Variants in DMXL1 observed in about 807,000 individuals in gnomAD.
DMXL1 encodes the protein dmX-like protein 1.
DMXL1 carries 99 observed loss-of-function variants against 319.2 expected under a neutral mutation model. The observed-to-expected ratio is 0.31, with a 90% CI of 0.26 to 0.37. DMXL1 has a LOEUF of 0.37. DMXL1 is among the 10% of genes least tolerant of loss of function. The pLI, the probability that DMXL1 is intolerant of heterozygous loss-of-function variation, is 1.00. For missense variants in DMXL1, 3,745 were observed against 3,595.6 expected (o/e 1.04, Z -1.06); for synonymous variants, 1,385 against 1,235.2 (o/e 1.12, Z -2.54).
rs139532607 is a variant in DMXL1, at chr5:119,233,422, C to A, written c.8421C>A (p.Gly2807=). The change falls in exon 39 of 44, where the codon GGC becomes GGA. Residue 2807 remains glycine (G), a synonymous_variant. Transcript: ENST00000539542. ...AAATAACCTGTTTTCGATCTGGTGG[C>A]AATTCAAGAGTTACAAGAATGAGAT... is the stretch of plus-strand genomic sequence containing the variant. The part of the protein sequence containing the change: ...SQQITCFRSG[G]NSRVTRMRFN... 2.6e-5 allele frequency: 42 copies of A among 1,611,668 alleles called. No individual in the cohort carries two copies. In the African/African-American group the frequency reaches 5.2e-4, roughly 20 times the overall value.
intron 1 of DMXL1, among the ~76,000 whole-genome samples, chr5:119,080,811 C>A (rs1049450895): frequency 1.3e-5 from 2 of 152,148 alleles, no homozygotes; most frequent in Non-Finnish European, 2.9e-5. Flanking sequence ...GTAATAGCTG[C>A]CTCCCTAAAC....
Position 119,149,529 on chromosome 5 carries a change from A to C in DMXL1, c.3702A>C (p.Glu1234Asp), listed in dbSNP as rs754415559. 13 of 1,613,934 alleles carry C rather than the reference A, an allele frequency of 8.1e-6. No individual in the cohort carries two copies. The Middle Eastern group carries it at 1.3e-3, about 164-fold the overall frequency. Residue 1234 changes from glutamate to aspartate, a missense_variant, in exon 18 of 44, where the codon GAA becomes GAC. Transcript: ENST00000539542. ...TCCTTGTGGTAGGAATGGACTGTGA[A>C]ATGCATGTGTATTGCCAATGGCAAC... is the stretch of plus-strand genomic sequence containing the variant. ...DGILVVGMDC[E>D]MHVYCQWQPS...
At chr5:119,097,915 T>G in intron 1 of DMXL1, 64 bp from the exon 2 acceptor site, 1 of 1,325,608 alleles carries the variant, frequency 7.5e-7, no homozygotes, top group African/African-American at 1.5e-5. Context: ...TAGTTAATAC[T>G]AGTATTCTAC....
At chr5:119,091,138 T>C (rs1460226550) in intron 1 of DMXL1, among the ~76,000 whole-genome samples, 3 of 152,150 alleles carry the variant, frequency 2.0e-5, no homozygotes, top group South Asian at 2.1e-4. Flanking sequence ...AGCTCACATA[T>C]CGCCTACTGG....
In DMXL1 at chr5:119,171,921, C is replaced by T. The variant is rs1352511302; in HGVS notation, c.6633C>T (p.Ala2211=). The T allele has an allele frequency of 6.2e-7, 1 of 1,613,696 alleles. No homozygotes were observed. The highest frequency in any genetic ancestry group is 8.5e-7 in the Non-Finnish European group (1 of 1,179,800). The change falls in exon 25 of 44, where the codon GCC becomes GCT. Residue 2211 remains alanine (A), a synonymous_variant. Transcript: ENST00000539542. ...LSNLTHDILH[A]IINFDSPPHP... ...ATCTGACACATGATATTCTCCATGC[C>T]ATAATAAACTTTGATTCACCACCCC... is the stretch of plus-strand genomic sequence containing the variant.
chr5:119,161,880 G>A (rs900573049), intron 19 of DMXL1, among the ~76,000 whole-genome samples: 2 of 152,148 alleles, frequency 1.3e-5, no homozygotes, highest in Admixed American at 1.3e-4. Flanking sequence ...ACCTCTAATT[G>A]GATGCTACCA....
rs141791904 is a variant in DMXL1 at position 119,228,036 on chromosome 5, A to C, written c.8338+3267A>C. On this transcript the variant is annotated intron_variant, in intron 38 of 43. Coordinates refer to ENST00000539542, the MANE Select transcript of DMXL1 (RefSeq NM_001290321.3). ...CTGGAAAACAAAATAAAGACCTAGC[A>C]ATGTTTCAAAACCATAATTATTAAA... 5.3e-5 allele frequency among the ~76,000 whole-genome samples: 8 copies of C among 152,336 alleles called. No individual in the cohort carries two copies. In the East Asian group the frequency reaches 1.5e-3, roughly 29 times the overall value.
rs753392077 is a variant in DMXL1 at position 119,133,939 on chromosome 5, C to T, written c.2015C>T (p.Pro672Leu). ...RTPDVDNPEQ[P>L]FDALNIEECS... Reference sequence around the variant, plus strand: ...CCAGATGTTGATAACCCAGAGCAACCTTTTGATGCTCTAAATATTGAAGAA... The same window carrying T: ...CCAGATGTTGATAACCCAGAGCAACTTTTTGATGCTCTAAATATTGAAGAA... Residue 672 changes from proline (P) to leucine (L), a missense_variant, in exon 12 of 44, where the codon CCT becomes CTT. Physicochemically the swap from Pro to Leu is moderately conservative, Grantham distance 98. Coordinates refer to ENST00000539542, the MANE Select transcript of DMXL1 (RefSeq NM_001290321.3). The T allele has an allele frequency of 1.9e-6, 3 of 1,613,990 alleles. No individual in the cohort carries two copies. Among genetic ancestry groups the T allele is most frequent in the East Asian group, 2.2e-5 (1 of 44,898 alleles).
rs7731074 is a variant in DMXL1, at chr5:119,163,900, C to G, written c.4703-607C>G. On this transcript the variant is annotated intron_variant, in intron 19 of 43. Coordinates refer to ENST00000539542, the MANE Select transcript of DMXL1 (RefSeq NM_001290321.3). ...TAATTGTACGTTTTTTGAGTAGAGA[C>G]AGGGTTTCACCATGTTGGCCAGACT... Among the ~76,000 whole-genome samples the G allele has an allele frequency of 4.8e-4, 73 of 152,060 alleles. 1 individual carries two copies. The highest frequency in any genetic ancestry group is 4.1e-3 in the Admixed American group (62 of 15,264).
chr5:119,075,988 C>CA (rs1750761468), intron 1 of DMXL1, among the ~76,000 whole-genome samples: 1 of 151,624 alleles, frequency 6.6e-6, no homozygotes, highest in Non-Finnish European at 1.5e-5. Flanking sequence ...TGATATGATA[C>CA]TTTTTTTTTC....
At chr5:119,139,789 G>A (rs1766879493) in intron 13 of DMXL1, among the ~76,000 whole-genome samples, 1 of 152,128 alleles carries the variant, frequency 6.6e-6, no homozygotes, top group South Asian at 2.1e-4. Flanking sequence ...ACAGACTGCT[G>A]CAGAACTCTC....
At chr5:119,166,884 C>A in intron 22 of DMXL1, 103 bp downstream of exon 22, 1 of 891,728 alleles carries the variant, frequency 1.1e-6, no homozygotes, top group Non-Finnish European at 1.6e-6. Context: ...TTGGAAATAA[C>A]ACAAGGCCAA....
rs750990275 is a variant in DMXL1, at chr5:119,197,917, G to T, written c.7706G>T (p.Arg2569Leu). 6.2e-7 allele frequency: 1 copy of T among 1,614,124 alleles called. No homozygotes were observed. The highest frequency in any genetic ancestry group is 1.1e-5 in the South Asian group (1 of 91,084). Residue 2569 changes from arginine (R) to leucine (L), a missense_variant, in exon 32 of 44, where the codon CGC (arginine) becomes CTC (leucine). Around this residue, in one of 4 missense-constraint regions of DMXL1, gnomAD observed 1,382 missense variants for 1,269.5 expected, o/e 1.09. Transcript: ENST00000539542. ...ESLSAGPAIL[R>L]HKALLEPTNT... ...TTGTCTGCAGGTCCTGCAATTCTTC[G>T]CCACAAAGCTTTACTGGAACCTACA...
At chr5:119,132,602 G>C (rs894910614) in intron 10 of DMXL1, 3 of 307,034 alleles carry the variant, frequency 9.8e-6, no homozygotes, top group Admixed American at 4.0e-5. Context: ...GCTTGGACCC[G>C]GGCAGCAGAG....
chr5:119,072,453 A>G (rs984671655), intron 1 of DMXL1, among the ~76,000 whole-genome samples: 1 of 152,102 alleles, frequency 6.6e-6, no homozygotes, highest in South Asian at 2.1e-4. Flanking sequence ...TTTTTGCTAC[A>G]ATTTGTGTAG....
chr5:119,231,945 C>T (rs957480042), intron 38 of DMXL1, among the ~76,000 whole-genome samples: 1 of 152,042 alleles, frequency 6.6e-6, no homozygotes, highest in South Asian at 2.1e-4. Context: ...CTGTCTTAGC[C>T]TAATAGCCTC....
intron 9 of DMXL1, among the ~76,000 whole-genome samples, chr5:119,123,643 A>G (rs896730705): frequency 6.6e-6 from 1 of 151,798 alleles, no homozygotes; most frequent in African/African-American, 2.4e-5. Flanking sequence ...AGTACTACAG[A>G]TATAGTATTG....
chr5:119,197,962 T>A lies in DMXL1; in HGVS notation c.7745+6T>A. On this transcript the variant is annotated splice_donor_region_variant and intron_variant, in intron 32 of 43. Coordinates refer to ENST00000539542, the MANE Select transcript of DMXL1 (RefSeq NM_001290321.3). ...CCTACAAACACTCCTTTCAAGTAGGTTTTCTTATGAATGCTATTTGGGTTT... is the reference window on the plus strand; with the variant it reads ...CCTACAAACACTCCTTTCAAGTAGGATTTCTTATGAATGCTATTTGGGTTT... The A allele has an allele frequency of 6.2e-7, 1 of 1,613,880 alleles. No homozygotes were observed. Among genetic ancestry groups the A allele is most frequent in the East Asian group, 2.2e-5 (1 of 44,880 alleles).
At chr5:119,144,973 A>G (rs1768197709) in intron 15 of DMXL1, among the ~76,000 whole-genome samples, 1 of 151,752 alleles carries the variant, frequency 6.6e-6, no homozygotes, top group Admixed American at 6.6e-5. Context: ...TTATAATTTA[A>G]AGAAGTAGCT....
Sources: gnomAD v4.1 joint callset for allele counts (sites outside exome capture counted in the v4.1 genomes callset) on GRCh38, gnomAD v4.1.1 for gene constraint, gnomAD v4.1.1 regional missense constraint, MANE v1.5 for transcripts, NCBI Gene and HGNC (gene_info 2026-07-23, HGNC 2026-07-21) for gene names.